ADGRL2: variants seen among roughly 807,000 people sequenced by gnomAD.
ADGRL2 encodes adhesion G protein-coupled receptor L2.
In ADGRL2, 44 loss-of-function variants were observed where a neutral mutation model predicts 157.4. That is an observed-to-expected ratio of 0.28 (90% CI 0.22 to 0.36). ADGRL2 has a LOEUF of 0.36. ADGRL2 is among the 10% of genes least tolerant of loss of function. The probability of loss-of-function intolerance (pLI) is 1.00; values close to 1 mark genes in which losing one functional copy is unlikely to be tolerated. For missense variants in ADGRL2, 1,510 were observed against 1,768.9 expected (o/e 0.85, Z 2.63); for synonymous variants, 585 against 624.7 (o/e 0.94, Z 0.95).
intron 2 of ADGRL2, among the ~76,000 whole-genome samples, chr1:81,896,671 A>T (rs2094395666): frequency 6.6e-6 from 1 of 152,170 alleles, no homozygotes; most frequent in South Asian, 2.1e-4. Flanking sequence ...GTACATAAGA[A>T]TTATAGTAAT....
At chr1:81,845,200 T>C (rs1445196928) in intron 2 of ADGRL2, among the ~76,000 whole-genome samples, 1 of 152,124 alleles carries the variant, frequency 6.6e-6, no homozygotes, top group East Asian at 1.9e-4. Flanking sequence ...TGCTAACAGA[T>C]GCATAGTAAT....
rs77900754 is a variant in ADGRL2 at position 81,465,819 on chromosome 1, C to T, written c.-248+20730C>T. 2.5e-3 allele frequency among the ~76,000 whole-genome samples: 381 copies of T among 152,264 alleles called. 2 individuals carry two copies. Among genetic ancestry groups the T allele is most frequent in the African/African-American group, 8.8e-3 (365 of 41,564 alleles). ...TCCAAACAAAGAAAAATGAAAATCT[C>T]AGCATCTGCCTGAAAGATGATCATT... On this transcript the variant is annotated intron_variant, in intron 2 of 24. Coordinates refer to the ADGRL2 transcript ENST00000370721.
intron 2 of ADGRL2, among the ~76,000 whole-genome samples, chr1:81,783,808 T>C (rs2086916026): frequency 6.6e-6 from 1 of 152,178 alleles, no homozygotes; most frequent in Admixed American, 6.5e-5. Context: ...TATAACAGCA[T>C]TATAAAAGTT....
intron 1 of ADGRL2, among the ~76,000 whole-genome samples, chr1:81,407,829 G>A (rs907325650): frequency 2.6e-5 from 4 of 152,316 alleles, no homozygotes; most frequent in East Asian, 1.9e-4. Flanking sequence ...AGGAGCCAGA[G>A]GGTTGAAGGG....
At position 81,985,271 on chromosome 1, in the gene ADGRL2, AG is replaced by A; in HGVS notation, c.3425del (p.Arg1142LysfsTer7). On this transcript the variant is annotated frameshift_variant, in exon 21 of 24. Coordinates refer to ENST00000686636, the MANE Select transcript of ADGRL2 (RefSeq NM_001366006.2). LOFTEE classifies it high-confidence loss of function. ...YSSGTQSRIR[R>X]MWNDTVRKQS... Reference sequence around the variant, plus strand: ...TTTGTATTAATAGAGTCGTATAAGAAGAATGTGGAATGATACTGTGAGAAAA... The same window carrying A: ...TTTGTATTAATAGAGTCGTATAAGAAAATGTGGAATGATACTGTGAGAAAA... 6.3e-7 allele frequency: 1 copy of A among 1,590,932 alleles called. No individual in the cohort carries two copies. The highest frequency in any genetic ancestry group is 8.6e-7 in the Non-Finnish European group (1 of 1,161,406).
At chr1:81,984,555 C>A in intron 19 of ADGRL2, 28 bp from the exon 20 acceptor site, 2 of 1,555,696 alleles carry the variant, frequency 1.3e-6, no homozygotes, top group African/African-American at 1.4e-5. Flanking sequence ...TTATATTAAT[C>A]CCTTGGTCTT....
chr1:81,684,756 T>C (rs1177149467), intron 3 of ADGRL2, among the ~76,000 whole-genome samples: 1 of 152,266 alleles, frequency 6.6e-6, no homozygotes, highest in Admixed American at 6.5e-5. Context: ...AGAATTTTTA[T>C]AGTTTCAGGT....
intron 3 of ADGRL2, among the ~76,000 whole-genome samples, chr1:81,914,161 G>C (rs1031501862): frequency 1.3e-5 from 2 of 152,000 alleles, no homozygotes; most frequent in Admixed American, 1.3e-4. Flanking sequence ...TCTCGTTGAC[G>C]TACAGTCCTC....
At chr1:81,358,325 C>T (rs539759495) in intron 1 of ADGRL2, among the ~76,000 whole-genome samples, 20 of 152,208 alleles carry the variant, frequency 1.3e-4, no homozygotes, top group Admixed American at 9.8e-4. Context: ...GTGGTGACCT[C>T]GGCTCTCTTG....
At chr1:81,863,507 A>T (rs1192526354) in intron 2 of ADGRL2, among the ~76,000 whole-genome samples, 2 of 152,132 alleles carry the variant, frequency 1.3e-5, no homozygotes, top group East Asian at 3.9e-4. Context: ...TAACTTGAGG[A>T]CTCTTTGCCC....
intron 1 of ADGRL2, among the ~76,000 whole-genome samples, chr1:81,825,887 T>C (rs925561554): frequency 2.0e-5 from 3 of 151,964 alleles, no homozygotes; most frequent in Non-Finnish European, 4.4e-5. Context: ...GCTGGCAAGA[T>C]GGATGGAAGG....
At chr1:81,685,512 A>T (rs1570830861) in intron 3 of ADGRL2, among the ~76,000 whole-genome samples, 1 of 152,168 alleles carries the variant, frequency 6.6e-6, no homozygotes, top group South Asian at 2.1e-4. Context: ...TGAATTCTTT[A>T]ATCAGTTCTA....
At chr1:81,978,317 G>A (rs1474164610) in intron 17 of ADGRL2, among the ~76,000 whole-genome samples, 1 of 151,618 alleles carries the variant, frequency 6.6e-6, no homozygotes, top group East Asian at 1.9e-4. Context: ...GAAAATTCAA[G>A]CATTTATTTA....
chr1:81,743,871 C>A (rs1022467127), intron 1 of ADGRL2, among the ~76,000 whole-genome samples: 1 of 152,036 alleles, frequency 6.6e-6, no homozygotes, highest in Non-Finnish European at 1.5e-5. Flanking sequence ...GCATTGCTAA[C>A]CTGTGTCAGC....
intron 1 of ADGRL2, among the ~76,000 whole-genome samples, chr1:81,429,102 T>C (rs1335911026): frequency 6.6e-6 from 1 of 150,718 alleles, no homozygotes; most frequent in Non-Finnish European, 1.5e-5. Context: ...CTACTATCTA[T>C]ATTTGTGAAC....
intron 1 of ADGRL2, among the ~76,000 whole-genome samples, chr1:81,709,927 G>A (rs2083867623): frequency 6.6e-6 from 1 of 152,162 alleles, no homozygotes; most frequent in African/African-American, 2.4e-5. Context: ...GGGACTTATA[G>A]AGAAATAACT....
chr1:81,499,612 A>G (rs2078800762), intron 2 of ADGRL2, among the ~76,000 whole-genome samples: 1 of 152,250 alleles, frequency 6.6e-6, no homozygotes, highest in African/African-American at 2.4e-5. Context: ...ACAGGCAGGA[A>G]GCATCTGTAT....
At chr1:81,552,975 G>C (rs2080187925) in intron 2 of ADGRL2, among the ~76,000 whole-genome samples, 1 of 152,106 alleles carries the variant, frequency 6.6e-6, no homozygotes, top group East Asian at 1.9e-4. Flanking sequence ...TGTTTCTTGA[G>C]AAACTAATTG....
chr1:81,385,249 C>A (rs535048560), intron 1 of ADGRL2, among the ~76,000 whole-genome samples: 1 of 152,032 alleles, frequency 6.6e-6, no homozygotes, highest in Non-Finnish European at 1.5e-5. Context: ...ATACAGCTTT[C>A]GGGGCTTGGT....
Sources: gnomAD v4.1 joint callset for allele counts (sites outside exome capture counted in the v4.1 genomes callset) on GRCh38, gnomAD v4.1.1 for gene constraint, MANE v1.5 for transcripts, NCBI Gene and HGNC (gene_info 2026-07-23, HGNC 2026-07-21) for gene names.